DCBLD1: variants seen among roughly 807,000 people sequenced by gnomAD.
DCBLD1 encodes the protein discoidin, CUB and LCCL domain-containing protein 1.
Under a neutral mutation model 71.5 loss-of-function variants are expected in DCBLD1, and 57 were observed. The ratio of observed to expected loss-of-function variants is 0.80; its 90% CI spans 0.64 to 0.99. The LOEUF (loss-of-function observed/expected upper bound fraction) is 0.99, where lower values mean the gene tolerates loss of function less well. Among genes scored for constraint, DCBLD1 ranks in the 50% least tolerant of loss-of-function variants. DCBLD1 has a pLI of 0.00. For missense variants in DCBLD1, 891 were observed against 923.5 expected, an observed-to-expected ratio of 0.96 and a Z score of 0.46; for synonymous variants, 380 against 363.8, an observed-to-expected ratio of 1.04 and a Z score of -0.51.
At chr6:117,539,444 A>T (rs1292589521) in intron 9 of DCBLD1, 65 bp downstream of exon 9, 5 of 1,489,400 alleles carry the variant, frequency 3.4e-6, no homozygotes, top group African/African-American at 1.4e-5. Flanking sequence ...ATTTTCATCA[A>T]TGTGTTTACA....
At chr6:117,509,200 G>C (rs1179226521) in intron 2 of DCBLD1, among the ~76,000 whole-genome samples, 4 of 152,322 alleles carry the variant, frequency 2.6e-5, no homozygotes, top group Admixed American at 2.0e-4. Context: ...GCGAGGCTGA[G>C]GTGGATGAAT....
chr6:117,553,501 A>G (rs979648476), downstream of DCBLD1, among the ~76,000 whole-genome samples: 4 of 152,020 alleles, frequency 2.6e-5, no homozygotes, highest in Non-Finnish European at 4.4e-5. Flanking sequence ...AACTTCCTCA[A>G]ATCTCTCCCA....
In DCBLD1 at chr6:117,543,198, G is replaced by T. The variant is rs1779158866; in HGVS notation, c.1432G>T (p.Ala478Ser). Residue 478 changes from alanine to serine, a missense_variant, in exon 12 of 15, where the codon GCA (alanine) becomes TCA (serine). Physicochemically the swap from Ala to Ser is moderately conservative, Grantham distance 99. Transcript: ENST00000338728. ...GGTGTTTGCTGGAATGGGGATCTTT[G>T]CAGCCTTTAGAAAGTATGGTGACTT... is the stretch of plus-strand genomic sequence containing the variant. ...VLVFAGMGIF[A>S]AFRKKKKKGS... 3.7e-6 allele frequency: 6 copies of T among 1,613,794 alleles called. No homozygotes were observed. The South Asian group carries it at 5.5e-5, about 15-fold the overall frequency.
chr6:117,536,703 A>G (rs1368338348), intron 6 of DCBLD1, among the ~76,000 whole-genome samples: 1 of 152,196 alleles, frequency 6.6e-6, no homozygotes, highest in African/African-American at 2.4e-5. Flanking sequence ...ATCCTCAGTG[A>G]GAGTCACGAG....
intron 3 of DCBLD1, among the ~76,000 whole-genome samples, chr6:117,521,195 C>A (rs1778372144): frequency 6.6e-6 from 1 of 152,146 alleles, no homozygotes; most frequent in Non-Finnish European, 1.5e-5. Context: ...TTCTTCCTGC[C>A]AGGGGACATT....
At chr6:117,565,605 A>G (rs183168943) in intron 14 of DCBLD1, among the ~76,000 whole-genome samples, 17 of 152,318 alleles carry the variant, frequency 1.1e-4, no homozygotes, top group African/African-American at 3.6e-4. Flanking sequence ...AAAAAATCAC[A>G]TTCATTAATA....
chr6:117,525,436 T>C lies in DCBLD1; in HGVS notation c.585+2T>C. ...AATATGGTAGATGGATATAGAGATG[T>C]AAGTAATTGAGGGTAATGGCAGAGA... On this transcript the variant is annotated splice_donor_variant, in intron 5 of 14. Coordinates refer to ENST00000338728, the MANE Select transcript of DCBLD1 (RefSeq NM_001366458.2). LOFTEE classifies it high-confidence loss of function. 6.8e-7 allele frequency: 1 copy of C among 1,480,782 alleles called. No individual in the cohort carries two copies. Among genetic ancestry groups the C allele is most frequent in the African/African-American group, 1.4e-5 (1 of 70,096 alleles). The allele number at this position is 1,480,782 out of a possible 1,614,324, so 91.7% of individuals were successfully genotyped here. A position where few individuals can be genotyped will look rare whatever the true frequency, so the allele number is the denominator to read the frequency against.
At chr6:117,556,111 A>G (rs1479439223) in intron 14 of DCBLD1, among the ~76,000 whole-genome samples, 1 of 152,222 alleles carries the variant, frequency 6.6e-6, no homozygotes, top group South Asian at 2.1e-4. Context: ...AATTTACCAA[A>G]TTGCAAATTC....
chr6:117,564,267 TCAAG>T (rs1313688304), intron 14 of DCBLD1, among the ~76,000 whole-genome samples: 2 of 152,206 alleles, frequency 1.3e-5, no homozygotes, highest in East Asian at 3.8e-4. Context: ...TGAGCCACCA[TCAAG>T]CTGTCTGTAA....
chr6:117,556,366 C>T (rs1055986735), intron 14 of DCBLD1, among the ~76,000 whole-genome samples: 1 of 152,210 alleles, frequency 6.6e-6, no homozygotes, highest in African/African-American at 2.4e-5. Flanking sequence ...CCCTCACCCA[C>T]CTCCCACCTT....
intron 1 of DCBLD1, among the ~76,000 whole-genome samples, chr6:117,488,521 T>C (rs1777168646): frequency 6.6e-6 from 1 of 152,214 alleles, no homozygotes; most frequent in Non-Finnish European, 1.5e-5. Context: ...GGCACATGCC[T>C]GTAATCCCAG....
rs191050086 is a variant in DCBLD1, at chr6:117,484,197, T to A, written c.112+1304T>A. ...GTCTGTGAGAATCAGTCCAGCAGTA[T>A]GTTCCTGTACTAATCTGGCCAAAGC... On this transcript the variant is annotated intron_variant, in intron 1 of 14. Transcript: ENST00000338728. Among the ~76,000 whole-genome samples the A allele has an allele frequency of 9.8e-5, 15 of 152,312 alleles. No homozygotes were observed. In the East Asian group the frequency reaches 2.9e-3, roughly 29 times the overall value.
At chr6:117,529,909 G>A (rs867782903) in intron 5 of DCBLD1, among the ~76,000 whole-genome samples, 8 of 152,112 alleles carry the variant, frequency 5.3e-5, no homozygotes, top group Admixed American at 1.3e-4. Context: ...TTCAATACTG[G>A]GTACTGTGAG....
At chr6:117,488,566 G>A (rs1428334608) in intron 1 of DCBLD1, among the ~76,000 whole-genome samples, 1 of 152,136 alleles carries the variant, frequency 6.6e-6, no homozygotes, top group Non-Finnish European at 1.5e-5. Flanking sequence ...GATCCCTTGA[G>A]CCCAGGAGGC....
intron 4 of DCBLD1, 48 bp downstream of exon 4, chr6:117,521,624 T>G: frequency 6.7e-7 from 1 of 1,491,152 alleles, no homozygotes; most frequent in Non-Finnish European, 9.0e-7. Flanking sequence ...TTGCTGAACA[T>G]TTTGTTTTCT....
At chr6:117,568,537 T>C (rs768028463) in intron 14 of DCBLD1, among the ~76,000 whole-genome samples, 8 of 152,318 alleles carry the variant, frequency 5.3e-5, no homozygotes, top group African/African-American at 1.2e-4. Flanking sequence ...TCAAGATGGA[T>C]TGATAAAACA....
At position 117,482,727 on chromosome 6, in the gene DCBLD1, GC is replaced by G; in HGVS notation, c.-54del. ...AGGCGGCCCGGCCCGGGCAGCTGCGGCTCGGGATCCGTCGAGGGGAGGCCGA... is the reference window on the plus strand; with the variant it reads ...AGGCGGCCCGGCCCGGGCAGCTGCGGTCGGGATCCGTCGAGGGGAGGCCGA... On this transcript the variant is annotated 5_prime_UTR_variant, in exon 1 of 15. Transcript: ENST00000338728. 2 of 1,112,636 alleles carry G rather than the reference GC, an allele frequency of 1.8e-6. No homozygotes were observed. Among genetic ancestry groups the G allele is most frequent in the Non-Finnish European group, 2.2e-6 (2 of 912,314 alleles). 68.9% of individuals were successfully genotyped at this position (1,112,636 alleles called of 1,614,324 possible). A position where few individuals can be genotyped will look rare whatever the true frequency, so the allele number is the denominator to read the frequency against.
intron 2 of DCBLD1, among the ~76,000 whole-genome samples, chr6:117,509,400 C>T (rs1344277545): frequency 1.3e-5 from 2 of 152,146 alleles, no homozygotes; most frequent in Non-Finnish European, 2.9e-5. Context: ...CACAACACTC[C>T]AACCTGAGTG....
intron 1 of DCBLD1, among the ~76,000 whole-genome samples, chr6:117,499,847 C>T (rs1777593619): frequency 6.6e-6 from 1 of 152,146 alleles, no homozygotes; most frequent in South Asian, 2.1e-4. Context: ...TGCTTCTCCT[C>T]ATCTCTACTA....
Sources: gnomAD v4.1 joint callset for allele counts (sites outside exome capture counted in the v4.1 genomes callset) on GRCh38, gnomAD v4.1.1 for gene constraint, MANE v1.5 for transcripts, NCBI Gene and HGNC (gene_info 2026-07-23, HGNC 2026-07-21) for gene names.